Variants in TMC2 observed in about 807,000 individuals in gnomAD.
TMC2 encodes transmembrane channel-like protein 2.
TMC2 carries 102 observed loss-of-function variants against 105.9 expected under a neutral mutation model. That is an observed-to-expected ratio of 0.96 (90% CI 0.82 to 1.14). The LOEUF (loss-of-function observed/expected upper bound fraction) is 1.14. Among genes scored for constraint, TMC2 ranks in the 50% most tolerant of loss-of-function variants. TMC2 has a pLI of 0.00. For missense variants in TMC2, 1,093 were observed against 1,134.3 expected, an observed-to-expected ratio of 0.96 and a Z score of 0.52; for synonymous variants, 402 against 422.8, an observed-to-expected ratio of 0.95 and a Z score of 0.60.
intron 11 of TMC2, among the ~76,000 whole-genome samples, chr20:2,606,869 G>A (rs1412030071): frequency 8.6e-6 from 1 of 116,476 alleles, no homozygotes; most frequent in African/African-American, 3.6e-5. Context: ...TTTTAATATA[G>A]TTTTCCCTTA....
At chr20:2,631,740 C>G (rs2422807) in intron 17 of TMC2, among the ~76,000 whole-genome samples, 3 of 149,366 alleles carry the variant, frequency 2.0e-5, no homozygotes, top group Non-Finnish European at 3.0e-5. Flanking sequence ...ATGTCTAGGA[C>G]TAGATCTCTT....
intron 17 of TMC2, 61 bp from the exon 18 acceptor site, chr20:2,635,865 G>T: frequency 3.6e-6 from 5 of 1,380,914 alleles, no homozygotes; most frequent in Non-Finnish European, 5.2e-6. Flanking sequence ...CAAGAAAGGC[G>T]CCCAGCTCCT....
intron 11 of TMC2, among the ~76,000 whole-genome samples, chr20:2,602,902 G>A (rs1020366742): frequency 6.6e-6 from 1 of 152,216 alleles, no homozygotes; most frequent in Admixed American, 6.5e-5. Flanking sequence ...TTCACGAAGA[G>A]GTGGAATCTG....
intron 17 of TMC2, among the ~76,000 whole-genome samples, chr20:2,628,345 TATG>T (rs1181091157): frequency 6.6e-6 from 1 of 152,234 alleles, no homozygotes; most frequent in African/African-American, 2.4e-5. Context: ...CTCTTTTTGT[TATG>T]ATAAATTAGG....
chr20:2,557,573 T>C (rs1037412740), intron 2 of TMC2, among the ~76,000 whole-genome samples: 18 of 152,192 alleles, frequency 1.2e-4, no homozygotes, highest in East Asian at 1.9e-4. Context: ...TCTTGTCGCT[T>C]AGGCTGGAGT....
Position 2,641,387 on chromosome 20 carries a change from G to T in TMC2, c.*36G>T. 7.1e-7 allele frequency: 1 copy of T among 1,403,104 alleles called. No individual in the cohort carries two copies. The highest frequency in any genetic ancestry group is 1.0e-6 in the Non-Finnish European group (1 of 999,882). The allele number at this position is 1,403,104 out of a possible 1,614,324, so 86.9% of individuals were successfully genotyped here. A position where few individuals can be genotyped will look rare whatever the true frequency, so the allele number is the denominator to read the frequency against. On this transcript the variant is annotated 3_prime_UTR_variant, in exon 20 of 20. Coordinates refer to ENST00000358864, the MANE Select transcript of TMC2 (RefSeq NM_080751.3). ...TCCAGGGAGCCTCGACCCTAGGGCT[G>T]ATCCTCAAGTACCCCAGTTTCACAC...
rs999706252 is a variant in TMC2 at position 2,539,110 on chromosome 20, C to T, written c.82+1794C>T. On this transcript the variant is annotated intron_variant, in intron 2 of 19. Transcript: ENST00000358864. ...CGGCCTGTGTTTTGCACTGTGAATT[C>T]TCTGACCGAGTCAGGTGCTACATAG... Among the ~76,000 whole-genome samples the T allele has an allele frequency of 3.9e-5, 6 of 152,336 alleles. No individual in the cohort carries two copies. The South Asian group carries it at 8.3e-4, about 21-fold the overall frequency.
In TMC2 at chr20:2,558,589, G is replaced by A; in HGVS notation, c.216G>A (p.Lys72=). Residue 72 remains lysine, a synonymous_variant, in exon 3 of 20, where the codon AAG becomes AAA. Coordinates refer to ENST00000358864, the MANE Select transcript of TMC2 (RefSeq NM_080751.3). This position sits in a 1 kb window ranked among gnomAD's most constrained non-coding sequence, Gnocchi z 4.6. Reference sequence around the variant, plus strand: ...CAAGCCCGGGGTCTCCCCGGAGGAAGCAAACAGGGCGCAGGAGACACAGAG... The same window carrying A: ...CAAGCCCGGGGTCTCCCCGGAGGAAACAAACAGGGCGCAGGAGACACAGAG... ...GSPSPGSPRR[K]QTGRRRHREE... The A allele has an allele frequency of 6.4e-7, 1 of 1,554,750 alleles. No individual in the cohort carries two copies. Among genetic ancestry groups the A allele is most frequent in the Non-Finnish European group, 8.7e-7 (1 of 1,148,742 alleles).
intron 16 of TMC2, among the ~76,000 whole-genome samples, chr20:2,622,837 C>T (rs546514233): frequency 6.8e-4 from 103 of 152,266 alleles, no homozygotes; most frequent in African/African-American, 2.4e-3. Context: ...CTTAACAGCA[C>T]TACACTCAAT....
chr20:2,592,344 G>C lies in TMC2; in HGVS notation c.869G>C (p.Arg290Thr). Residue 290 changes from arginine to threonine, a missense_variant, in exon 8 of 20, where the codon AGA (arginine) becomes ACA (threonine). By Grantham distance (71) the Arg-to-Thr change is moderately conservative. Transcript: ENST00000358864. This position sits in a 1 kb window ranked among gnomAD's most constrained non-coding sequence, Gnocchi z 4.9. ...GGCATGCCCTATGGGAGTATTCCCA[G>C]AAAGACAGTGCCTCGGGCTGAGGAA... ...LMGMPYGSIP[R>T]KTVPRAEEEK... 6.2e-7 allele frequency: 1 copy of C among 1,614,008 alleles called. No homozygotes were observed. Among genetic ancestry groups the C allele is most frequent in the South Asian group, 1.1e-5 (1 of 91,086 alleles).
At chr20:2,545,413 T>C (rs946851082) in intron 2 of TMC2, among the ~76,000 whole-genome samples, 4 of 152,048 alleles carry the variant, frequency 2.6e-5, no homozygotes, top group African/African-American at 9.7e-5. Context: ...ATAGATGATA[T>C]CATAGACAAT....
intron 5 of TMC2, among the ~76,000 whole-genome samples, chr20:2,575,466 C>T (rs1170077858): frequency 6.6e-6 from 1 of 152,150 alleles, no homozygotes; most frequent in Admixed American, 6.5e-5. Flanking sequence ...TTGTGCTAAT[C>T]TATTGGGTAA....
At chr20:2,637,628 C>A (rs1179051148) in intron 19 of TMC2, 37 bp downstream of exon 19, 1 of 1,437,210 alleles carries the variant, frequency 7.0e-7, no homozygotes, top group Non-Finnish European at 9.8e-7. Flanking sequence ...TTTTACAAGG[C>A]CACATGGAAA....
At chr20:2,595,865 T>C (rs1176728571) in intron 9 of TMC2, among the ~76,000 whole-genome samples, 1 of 152,146 alleles carries the variant, frequency 6.6e-6, no homozygotes, top group Non-Finnish European at 1.5e-5. Context: ...TTCTTTCACA[T>C]GGTCTCAGGC....
intron 2 of TMC2, among the ~76,000 whole-genome samples, chr20:2,549,613 T>A (rs1319080968): frequency 7.3e-5 from 11 of 151,318 alleles, no homozygotes; most frequent in Admixed American, 7.2e-4. Context: ...CATGGTGGCG[T>A]GTGCCTGTAA....
At chr20:2,622,033 A>AAATAAT (rs770590965) in intron 16 of TMC2, among the ~76,000 whole-genome samples, 1 of 152,156 alleles carries the variant, frequency 6.6e-6, no homozygotes, top group Non-Finnish European at 1.5e-5. Context: ...CTGGAAATAA[A>AAATAAT]AATAATAATA....
At chr20:2,582,185 T>C (rs1268304162) in intron 7 of TMC2, among the ~76,000 whole-genome samples, 1 of 152,120 alleles carries the variant, frequency 6.6e-6, no homozygotes, top group Non-Finnish European at 1.5e-5. Flanking sequence ...TGATGACAGG[T>C]TGGATAACAG....
chr20:2,555,798 T>C (rs2085981551), intron 2 of TMC2, among the ~76,000 whole-genome samples: 1 of 152,222 alleles, frequency 6.6e-6, no homozygotes, highest in Non-Finnish European at 1.5e-5. Flanking sequence ...TTTGTTAGCA[T>C]ATTAATTTTG....
Position 2,642,679 on chromosome 20 carries a change from G to A in TMC2, c.*1328G>A, listed in dbSNP as rs2086697186. Among the ~76,000 whole-genome samples, 1 of 152,158 alleles carries A rather than the reference G, an allele frequency of 6.6e-6. No individual in the cohort carries two copies. The highest frequency in any genetic ancestry group is 2.1e-4 in the South Asian group (1 of 4,832). On this transcript the variant is annotated 3_prime_UTR_variant, in exon 20 of 20. Transcript: ENST00000358864. ...GCCTTGATGGCAAGGGCAGAGCCTA[G>A]GTAGGGTGGGAGTCACAGTCCAGGA...
Sources: allele counts gnomAD v4.1 joint callset (sites outside exome capture counted in the v4.1 genomes callset), GRCh38; gene constraint gnomAD v4.1.1; non-coding constraint Gnocchi (gnomAD v3.1); transcripts MANE v1.5; gene names NCBI Gene and HGNC (gene_info 2026-07-23, HGNC 2026-07-21).